ARHGAP26: variants seen among roughly 807,000 people sequenced by gnomAD.
ARHGAP26 encodes the protein Rho GTPase activating protein 26.
A neutral mutation model predicts 104.8 loss-of-function variants in ARHGAP26; 38 were observed. The observed-to-expected ratio is 0.36, with a 90% CI of 0.28 to 0.48. The LOEUF (loss-of-function observed/expected upper bound fraction) is 0.48, where lower values mean the gene tolerates loss of function less well. Among genes scored for constraint, ARHGAP26 ranks in the 20% least tolerant of loss-of-function variants. The probability of loss-of-function intolerance (pLI) is 0.99; values close to 1 mark genes in which losing one functional copy is unlikely to be tolerated. For missense variants in ARHGAP26, 704 were observed against 947.9 expected (o/e 0.74, Z 3.38); for synonymous variants, 341 against 340.0 (o/e 1.00, Z -0.03).
chr5:143,014,244 AGTGGGACATGCCTCCACCCCAACTTTCC>A, intron 12 of ARHGAP26, 128 bp downstream of exon 12: 1 of 999,954 alleles, frequency 1.0e-6, no homozygotes, highest in Non-Finnish European at 1.6e-6. Flanking sequence ...TCCCGAGTGC[AGTGGGACATGCCTCCACCCCAACTTTCC>A]GCCAGTGACT....
chr5:143,180,636 C>T (rs11167805), intron 20 of ARHGAP26, among the ~76,000 whole-genome samples: 9,786 of 152,104 alleles, frequency 0.064, 1,101 homozygotes, highest in African/African-American at 0.22. Flanking sequence ...TCTTATATGG[C>T]GGCAGGCTAG....
intron 20 of ARHGAP26, among the ~76,000 whole-genome samples, chr5:143,197,011 A>G (rs545056508): frequency 6.6e-6 from 1 of 152,352 alleles, no homozygotes; most frequent in African/African-American, 2.4e-5. Flanking sequence ...TTTGAGTTCA[A>G]CTTCATTTGC....
chr5:143,187,818 C>T (rs535933180), intron 20 of ARHGAP26, among the ~76,000 whole-genome samples: 1 of 152,310 alleles, frequency 6.6e-6, no homozygotes, highest in South Asian at 2.1e-4. Flanking sequence ...TGCACTCTAT[C>T]CATTGGGAGC....
chr5:143,048,540 T>A (rs1441035894), intron 14 of ARHGAP26, among the ~76,000 whole-genome samples: 1 of 151,586 alleles, frequency 6.6e-6, no homozygotes, highest in Non-Finnish European at 1.5e-5. Flanking sequence ...GAATTACAGG[T>A]GTGAGCCACC....
chr5:143,102,831 T>C (rs1198299657), intron 17 of ARHGAP26, among the ~76,000 whole-genome samples: 2 of 152,176 alleles, frequency 1.3e-5, no homozygotes, highest in Non-Finnish European at 2.9e-5. Flanking sequence ...TTCAGTACTT[T>C]TTTCACCTCC....
intron 18 of ARHGAP26, among the ~76,000 whole-genome samples, chr5:143,131,851 G>A (rs780906463): frequency 2.8e-5 from 4 of 142,302 alleles, no homozygotes; most frequent in Non-Finnish European, 5.9e-5. Context: ...ACACAGTGAG[G>A]TTGTCACCAG....
chr5:142,971,067 T>A (rs1187652187), intron 11 of ARHGAP26, among the ~76,000 whole-genome samples: 1 of 151,374 alleles, frequency 6.6e-6, no homozygotes, highest in Non-Finnish European at 1.5e-5. Flanking sequence ...TTAAGTAAAT[T>A]TGAAGACTGA....
chr5:143,074,524 A>C (rs1407932282), intron 17 of ARHGAP26, among the ~76,000 whole-genome samples: 1 of 152,242 alleles, frequency 6.6e-6, no homozygotes. Flanking sequence ...TGCAAAGAAG[A>C]GTAATACTTC....
intron 11 of ARHGAP26, among the ~76,000 whole-genome samples, chr5:142,968,687 T>C (rs1771777646): frequency 6.6e-6 from 1 of 152,210 alleles, no homozygotes; most frequent in African/African-American, 2.4e-5. Flanking sequence ...GATGTACATG[T>C]GTTGATGGAA....
chr5:142,972,231 A>C (rs989485427), intron 11 of ARHGAP26, among the ~76,000 whole-genome samples: 2 of 151,498 alleles, frequency 1.3e-5, no homozygotes, highest in African/African-American at 4.8e-5. Flanking sequence ...AGGAAGAGCA[A>C]GTCAGAAGCA....
intron 1 of ARHGAP26, among the ~76,000 whole-genome samples, chr5:142,831,813 T>C (rs1768496804): frequency 6.6e-6 from 1 of 152,176 alleles, no homozygotes; most frequent in Admixed American, 6.5e-5. Flanking sequence ...TTCTCATGGA[T>C]TCAACCTTGA....
At chr5:143,049,041 C>A (rs994286604) in intron 14 of ARHGAP26, among the ~76,000 whole-genome samples, 1 of 152,078 alleles carries the variant, frequency 6.6e-6, no homozygotes, top group African/African-American at 2.4e-5. Context: ...TGACCAGTAT[C>A]CATATAATGA....
chr5:142,845,576 C>T (rs2152224429), intron 1 of ARHGAP26, among the ~76,000 whole-genome samples: 1 of 152,302 alleles, frequency 6.6e-6, no homozygotes, highest in African/African-American at 2.4e-5. Flanking sequence ...TCTAGGTGGC[C>T]TTCTCAGTGC....
At chr5:143,109,310 A>G (rs1405501332) in intron 17 of ARHGAP26, among the ~76,000 whole-genome samples, 4 of 152,256 alleles carry the variant, frequency 2.6e-5, no homozygotes, top group African/African-American at 7.2e-5. Context: ...TAACACAGAT[A>G]TATAGGCGCA....
intron 11 of ARHGAP26, among the ~76,000 whole-genome samples, chr5:142,980,739 G>A (rs909566772): frequency 1.3e-5 from 2 of 152,158 alleles, no homozygotes; most frequent in Non-Finnish European, 2.9e-5. Context: ...TATCTCTTGA[G>A]TATATTCCTG....
chr5:142,902,950 A>T (rs1310013460), intron 7 of ARHGAP26, among the ~76,000 whole-genome samples: 1 of 152,172 alleles, frequency 6.6e-6, no homozygotes, highest in Non-Finnish European at 1.5e-5. Flanking sequence ...TGTGATGCAG[A>T]TGCAGCAGAG....
chr5:142,843,695 G>A (rs1212099043), intron 1 of ARHGAP26, among the ~76,000 whole-genome samples: 1 of 152,128 alleles, frequency 6.6e-6, no homozygotes, highest in African/African-American at 2.4e-5. Context: ...CATGGGGCAC[G>A]GTGGATATAG....
intron 19 of ARHGAP26, among the ~76,000 whole-genome samples, chr5:143,139,599 G>A (rs925788453): frequency 7.9e-5 from 12 of 152,150 alleles, no homozygotes; most frequent in Non-Finnish European, 1.5e-5. Context: ...CTGCAGCCAC[G>A]TGACAGTCTC....
chr5:142,820,459 A>AAACC (rs1315634262), intron 1 of ARHGAP26, among the ~76,000 whole-genome samples: 2 of 151,448 alleles, frequency 1.3e-5, no homozygotes, highest in African/African-American at 4.9e-5. Flanking sequence ...AAAAACAAAC[A>AAACC]AAAAAAACCC....
Sources: allele counts gnomAD v4.1 joint callset (sites outside exome capture counted in the v4.1 genomes callset), GRCh38; gene constraint gnomAD v4.1.1; transcripts MANE v1.5; gene names NCBI Gene and HGNC (gene_info 2026-07-23, HGNC 2026-07-21).